RITA1: variants seen among roughly 807,000 people sequenced by gnomAD.
RITA1 encodes RBPJ-interacting and tubulin-associated protein 1.
Under a neutral mutation model 8.7 loss-of-function variants are expected in RITA1, and 15 were observed. The ratio of observed to expected loss-of-function variants is 1.72; its 90% confidence interval spans 1.15 to 2.65. The LOEUF (loss-of-function observed/expected upper bound fraction) is 2.65, where lower values mean the gene tolerates loss of function less well. RITA1 is among the 30% of genes most tolerant of loss of function. RITA1 has a pLI of 0.00. For missense variants in RITA1, 330 were observed against 363.8 expected (o/e 0.91, Z 0.76); for synonymous variants, 145 against 156.2 (o/e 0.93, Z 0.53).
chr12:113,188,216 A>ATTT (rs886170813), intron 3 of RITA1, among the ~76,000 whole-genome samples: 4 of 131,088 alleles, frequency 3.1e-5, no homozygotes, highest in Non-Finnish European at 4.9e-5. Context: ...GCCTGACTTA[A>ATTT]TTTTTTTTTT....
Position 113,191,234 on chromosome 12 carries a change from G to C in RITA1, c.303-76G>C. 6.8e-7 allele frequency: 1 copy of C among 1,471,124 alleles called. No homozygotes were observed. Among genetic ancestry groups the C allele is most frequent in the Non-Finnish European group, 9.0e-7 (1 of 1,115,374 alleles). 91.1% of individuals were successfully genotyped at this position (1,471,124 alleles called of 1,614,324 possible). On this transcript the variant is annotated intron_variant, in intron 3 of 3. Coordinates refer to ENST00000548278, the MANE Select transcript of RITA1 (RefSeq NM_032848.3). The surrounding 1 kb of genome is among the most constrained non-coding windows in gnomAD (Gnocchi z 4.0). ...CCCTCCTCTGCTGCTGCCATCCCAG[G>C]GTGGGTGGGAGAGCTGTTAAAGTTT... is the stretch of plus-strand genomic sequence containing the variant.
chr12:113,191,722 CT>C lies in RITA1; in HGVS notation c.716del (p.Leu239ArgfsTer2), dbSNP rs1441096241. On this transcript the variant is annotated frameshift_variant, in exon 4 of 4. Transcript: ENST00000548278. LOFTEE classifies it low-confidence loss of function (END_TRUNC). This position sits in a 1 kb window ranked among gnomAD's most constrained non-coding sequence, Gnocchi z 4.0. ...STSGVTFRSP[L>X]VTSRARSVSI... ...GTCAGGGGTGACCTTCCGGAGCCCC[CT>C]GGTGACTTCCAGGGCTCGCTCAGTT... The C allele has an allele frequency of 7.4e-6, 12 of 1,613,980 alleles. No homozygotes were observed. In the South Asian group the frequency reaches 1.1e-4, roughly 15 times the overall value.
intron 3 of RITA1, among the ~76,000 whole-genome samples, chr12:113,189,732 T>TAAA (rs34117781): frequency 1.2e-4 from 9 of 76,890 alleles, no homozygotes; most frequent in East Asian, 3.8e-4. Context: ...ATCTGTTGAA[T>TAAA]AAAAAAAAAA....
intron 3 of RITA1, among the ~76,000 whole-genome samples, chr12:113,190,944 G>A (rs61941448): frequency 0.1 from 15,610 of 152,206 alleles, 925 homozygotes; most frequent in East Asian, 0.21. Context: ...CTTTCCTAGT[G>A]GTTTCTGCAA....
At chr12:113,186,102 C>G in intron 1 of RITA1, 81 bp downstream of exon 1, 1 of 1,524,150 alleles carries the variant, frequency 6.6e-7, no homozygotes, top group South Asian at 1.2e-5. Context: ...GAATGTGGGG[C>G]GGTGGGGGCG....
rs1364439493 is a variant in RITA1 at position 113,186,177 on chromosome 12, C to T, written c.-196-8C>T. Reference sequence around the variant, plus strand: ...CTCTGGACTCAGATTTCACTTCCACCGTTTTAGCTTTATAGGTGTGACCTA... The same window carrying T: ...CTCTGGACTCAGATTTCACTTCCACTGTTTTAGCTTTATAGGTGTGACCTA... On this transcript the variant is annotated splice_polypyrimidine_tract_variant and splice_region_variant and intron_variant, in intron 1 of 3. Transcript: ENST00000548278. 1.5e-6 allele frequency: 2 copies of T among 1,373,780 alleles called. No homozygotes were observed. The highest frequency in any genetic ancestry group is 1.4e-5 in the African/African-American group (1 of 69,508). 85.1% of individuals were successfully genotyped at this position (1,373,780 alleles called of 1,614,324 possible).
Position 113,185,945 on chromosome 12 carries a change from C to G in RITA1, c.-273C>G, listed in dbSNP as rs1238897153. 2 of 1,520,518 alleles carry G rather than the reference C, an allele frequency of 1.3e-6. No homozygotes were observed. Among genetic ancestry groups the G allele is most frequent in the African/African-American group, 1.4e-5 (1 of 72,614 alleles). The allele number at this position is 1,520,518 out of a possible 1,614,324, so 94.2% of individuals were successfully genotyped here. A position where few individuals can be genotyped will look rare whatever the true frequency, so the allele number is the denominator to read the frequency against. Reference sequence around the variant, plus strand: ...CCGCGCGCCCCCGCGCCCTCACCGACGGGTCCAGACCTGGTGGGAAGAAGG... The same window carrying G: ...CCGCGCGCCCCCGCGCCCTCACCGAGGGGTCCAGACCTGGTGGGAAGAAGG... On this transcript the variant is annotated 5_prime_UTR_variant, in exon 1 of 4. Transcript: ENST00000548278.
chr12:113,192,309 C>G lies in RITA1; in HGVS notation c.*492C>G, dbSNP rs1177969511. The G allele has an allele frequency of 3.8e-5, 6 of 157,488 alleles. No individual in the cohort carries two copies. Among genetic ancestry groups the G allele is most frequent in the African/African-American group, 7.2e-5 (3 of 41,538 alleles). 9.8% of individuals were successfully genotyped at this position (157,488 alleles called of 1,614,324 possible). On this transcript the variant is annotated 3_prime_UTR_variant, in exon 4 of 4. Coordinates refer to ENST00000548278, the MANE Select transcript of RITA1 (RefSeq NM_032848.3). Reference sequence around the variant, plus strand: ...GGAGATTTGTGAGTGAACACTGTTTCATCTTAATATGCTTCTGAATTTATT... The same window carrying G: ...GGAGATTTGTGAGTGAACACTGTTTGATCTTAATATGCTTCTGAATTTATT...
chr12:113,189,380 C>T (rs943073466), intron 3 of RITA1, among the ~76,000 whole-genome samples: 1 of 152,072 alleles, frequency 6.6e-6, no homozygotes, highest in Non-Finnish European at 1.5e-5. Context: ...ACACTGATAC[C>T]TACAACATGG....
At position 113,191,201 on chromosome 12, in the gene RITA1, G is replaced by A. The variant is rs1360186151; in HGVS notation, c.303-109G>A. The A allele has an allele frequency of 1.7e-5, 24 of 1,395,138 alleles. No individual in the cohort carries two copies. The highest frequency in any genetic ancestry group is 2.9e-5 in the African/African-American group (2 of 69,394). 86.4% of individuals were successfully genotyped at this position (1,395,138 alleles called of 1,614,324 possible). On this transcript the variant is annotated intron_variant, in intron 3 of 3. Transcript: ENST00000548278. This position sits in a 1 kb window ranked among gnomAD's most constrained non-coding sequence, Gnocchi z 4.0. The stretch of plus-strand genomic sequence containing the variant: ...TGGGAGACAAGGACTCCTGGGATCT[G>A]CAGGCAACCCTCCTCTGCTGCTGCC...
Position 113,191,415 on chromosome 12 carries a change from G to T in RITA1, c.408G>T (p.Lys136Asn), listed in dbSNP as rs1209987227. The change falls in exon 4 of 4, where the codon AAG (lysine) becomes AAT (asparagine). Residue 136 changes from lysine to asparagine, a missense_variant. Transcript: ENST00000548278. The surrounding 1 kb of genome is among the most constrained non-coding windows in gnomAD (Gnocchi z 4.0). ...GGATGGCGAAGGGGGATGCCGCAAA[G>T]CTCCGTGCTCTCTTGTGGACGCCAC... ...APRMAKGDAA[K>N]LRALLWTPPP... is the part of the protein sequence containing the mutation. 1.2e-6 allele frequency: 2 copies of T among 1,609,722 alleles called. No individual in the cohort carries two copies. Among genetic ancestry groups the T allele is most frequent in the Admixed American group, 1.7e-5 (1 of 59,762 alleles).
chr12:113,187,983 A>G (rs1271196518), intron 3 of RITA1, among the ~76,000 whole-genome samples: 1 of 152,200 alleles, frequency 6.6e-6, no homozygotes, highest in Non-Finnish European at 1.5e-5. Context: ...AAGACACAGA[A>G]GATTAGCACA....
intron 3 of RITA1, among the ~76,000 whole-genome samples, chr12:113,188,842 G>A (rs1952568150): frequency 9.5e-6 from 1 of 105,010 alleles, no homozygotes; most frequent in African/African-American, 3.8e-5. Context: ...ATGGAGTCTG[G>A]CTCTGTCGCC....
rs886309526 is a variant in RITA1, at chr12:113,191,237, G to A, written c.303-73G>A. 372 of 1,473,310 alleles carry A rather than the reference G, an allele frequency of 2.5e-4. No homozygotes were observed. The highest frequency in any genetic ancestry group is 3.0e-4 in the Non-Finnish European group (331 of 1,116,556). 91.3% of individuals were successfully genotyped at this position (1,473,310 alleles called of 1,614,324 possible). On this transcript the variant is annotated intron_variant, in intron 3 of 3. Coordinates refer to ENST00000548278, the MANE Select transcript of RITA1 (RefSeq NM_032848.3). This position sits in a 1 kb window ranked among gnomAD's most constrained non-coding sequence, Gnocchi z 4.0. ...TCCTCTGCTGCTGCCATCCCAGGGT[G>A]GGTGGGAGAGCTGTTAAAGTTTTGA... is the stretch of plus-strand genomic sequence containing the variant.
Position 113,191,492 on chromosome 12 carries a change from G to A in RITA1, c.485G>A (p.Arg162Gln), listed in dbSNP as rs563154880. 47 of 1,605,586 alleles carry A rather than the reference G, an allele frequency of 2.9e-5. No individual in the cohort carries two copies. Among genetic ancestry groups the A allele is most frequent in the Admixed American group, 8.4e-5 (5 of 59,672 alleles). ...HSPRPREAPLRAIHPAGPSKT... is the reference protein window; with the variant it reads ...HSPRPREAPLQAIHPAGPSKT... The stretch of plus-strand genomic sequence containing the variant: ...CCCCGCCCCAGGGAGGCACCACTGC[G>A]AGCCATTCACCCAGCTGGTCCCTCC... Residue 162 changes from arginine to glutamine, a missense_variant, in exon 4 of 4, where the codon CGA becomes CAA. Transcript: ENST00000548278. This position sits in a 1 kb window ranked among gnomAD's most constrained non-coding sequence, Gnocchi z 4.0.
At chr12:113,190,640 C>T (rs1341218474) in intron 3 of RITA1, among the ~76,000 whole-genome samples, 1 of 152,158 alleles carries the variant, frequency 6.6e-6, no homozygotes. Flanking sequence ...AGAGTGAGAT[C>T]GTGTCTCACA....
intron 3 of RITA1, among the ~76,000 whole-genome samples, chr12:113,190,363 A>C (rs573347693): frequency 2.0e-5 from 3 of 152,044 alleles, no homozygotes; most frequent in Non-Finnish European, 4.4e-5. Context: ...GAAAGAAAAG[A>C]AAATGGGCAC....
At position 113,185,723 on chromosome 12, in the gene RITA1, T is replaced by G. The variant is rs1196266042; in HGVS notation, c.-495T>G. On this transcript the variant is annotated 5_prime_UTR_variant, in exon 1 of 4. Transcript: ENST00000548278. ...CGAATGGTCCGGGCCGCGTCCGCAGTGCTGCTGGCTGCTCCCTGGTTGCTG... is the reference window on the plus strand; with the variant it reads ...CGAATGGTCCGGGCCGCGTCCGCAGGGCTGCTGGCTGCTCCCTGGTTGCTG... 2 of 573,162 alleles carry G rather than the reference T, an allele frequency of 3.5e-6. No individual in the cohort carries two copies. Among genetic ancestry groups the G allele is most frequent in the African/African-American group, 3.9e-5 (2 of 51,428 alleles). The allele number at this position is 573,162 out of a possible 1,614,324, so 35.5% of individuals were successfully genotyped here. A position where few individuals can be genotyped will look rare whatever the true frequency, so the allele number is the denominator to read the frequency against.
In RITA1 at chr12:113,191,630, C is replaced by T. The variant is rs1019545001; in HGVS notation, c.623C>T (p.Pro208Leu). ...CATTCCCTCACCCACCTGAATGTCC[C>T]CAGCACTGGTCATCCAGCCACCAGT... The part of the protein sequence containing the change: ...LSHSLTHLNV[P>L]STGHPATSAP... Residue 208 changes from proline to leucine, a missense_variant, in exon 4 of 4, where the codon CCC becomes CTC. Pro to Leu is a moderately conservative substitution (Grantham distance 98). Coordinates refer to ENST00000548278, the MANE Select transcript of RITA1 (RefSeq NM_032848.3). This position sits in a 1 kb window ranked among gnomAD's most constrained non-coding sequence, Gnocchi z 4.0. 11 of 1,614,032 alleles carry T rather than the reference C, an allele frequency of 6.8e-6. No individual in the cohort carries two copies. The African/African-American group carries it at 1.3e-4, about 20-fold the overall frequency.
Sources: gnomAD v4.1 joint callset for allele counts (sites outside exome capture counted in the v4.1 genomes callset) on GRCh38, gnomAD v4.1.1 for gene constraint, Gnocchi (gnomAD v3.1) non-coding constraint, MANE v1.5 for transcripts, NCBI Gene and HGNC (gene_info 2026-07-23, HGNC 2026-07-21) for gene names.